MYO1D: variants seen among roughly 807,000 people sequenced by gnomAD.
MYO1D encodes the protein unconventional myosin-Id.
MYO1D carries 83 observed loss-of-function variants against 122.0 expected under a neutral mutation model. The ratio of observed to expected loss-of-function variants is 0.68; its 90% CI spans 0.57 to 0.82. The LOEUF is 0.82. Ranked by LOEUF, MYO1D falls within the 40% of genes least tolerant of loss-of-function variation. The pLI, the probability that MYO1D is intolerant of heterozygous loss-of-function variation, is 0.00. For missense variants in MYO1D, 1,157 were observed against 1,269.5 expected (o/e 0.91, Z 1.35); for synonymous variants, 464 against 446.9 (o/e 1.04, Z -0.48).
intron 21 of MYO1D, among the ~76,000 whole-genome samples, chr17:32,568,624 C>A (rs1030591764): frequency 1.3e-5 from 2 of 152,230 alleles, no homozygotes; most frequent in Admixed American, 6.5e-5. Context: ...TATGTTGGAG[C>A]AACAGACATA....
intron 6 of MYO1D, among the ~76,000 whole-genome samples, chr17:32,770,458 T>C (rs2090101951): frequency 1.3e-5 from 2 of 152,184 alleles, no homozygotes; most frequent in South Asian, 4.1e-4. Context: ...TATGCATTTA[T>C]ATACCTTCCC....
chr17:32,743,835 G>A (rs909933521), intron 13 of MYO1D, among the ~76,000 whole-genome samples: 1 of 151,624 alleles, frequency 6.6e-6, no homozygotes, highest in Non-Finnish European at 1.5e-5. Flanking sequence ...AGCCAGGATG[G>A]TTTCAATCTC....
At chr17:32,676,879 T>A (rs941478900) in intron 16 of MYO1D, among the ~76,000 whole-genome samples, 1 of 152,036 alleles carries the variant, frequency 6.6e-6, no homozygotes, top group Non-Finnish European at 1.5e-5. Flanking sequence ...GGCGCTATCT[T>A]GGCTCACTGC....
chr17:32,631,563 C>T (rs1420941691), intron 20 of MYO1D, among the ~76,000 whole-genome samples: 1 of 151,864 alleles, frequency 6.6e-6, no homozygotes, highest in Non-Finnish European at 1.5e-5. Context: ...GACAGGAATG[C>T]TTGATCCCAG....
intron 21 of MYO1D, among the ~76,000 whole-genome samples, chr17:32,532,925 C>G (rs1910558052): frequency 6.6e-6 from 1 of 152,108 alleles, no homozygotes. Context: ...ATCATCCCAT[C>G]TTACTTCCCT....
At chr17:32,672,000 C>T (rs144080851) in intron 16 of MYO1D, among the ~76,000 whole-genome samples, 65 of 152,288 alleles carry the variant, frequency 4.3e-4, no homozygotes, top group Non-Finnish European at 7.8e-4. Flanking sequence ...TTAAATTTTA[C>T]ATTTGAGTCC....
At chr17:32,850,701 C>G (rs1340907165) in intron 1 of MYO1D, among the ~76,000 whole-genome samples, 1 of 152,110 alleles carries the variant, frequency 6.6e-6, no homozygotes, top group Non-Finnish European at 1.5e-5. Flanking sequence ...CTTATGTACC[C>G]TGTTTTTTGT....
At chr17:32,763,756 C>T (rs1163091938) in intron 8 of MYO1D, among the ~76,000 whole-genome samples, 2 of 151,998 alleles carry the variant, frequency 1.3e-5, no homozygotes, top group Admixed American at 1.3e-4. Flanking sequence ...CTTGTCTCTA[C>T]TAAAAATACA....
At chr17:32,542,834 C>G (rs1241470181) in intron 21 of MYO1D, among the ~76,000 whole-genome samples, 1 of 152,146 alleles carries the variant, frequency 6.6e-6, no homozygotes, top group African/African-American at 2.4e-5. Context: ...CCAGAGGTAT[C>G]CAAGCAAGGG....
chr17:32,649,581 T>A (rs1226651936), intron 19 of MYO1D, among the ~76,000 whole-genome samples: 1 of 132,826 alleles, frequency 7.5e-6, no homozygotes. Context: ...TTTTTTTTTT[T>A]TTTTTTTTGA....
chr17:32,586,026 A>G (rs1412083166), intron 21 of MYO1D, among the ~76,000 whole-genome samples: 1 of 152,194 alleles, frequency 6.6e-6, no homozygotes, highest in African/African-American at 2.4e-5. Context: ...AAAGGAAGCA[A>G]TTGCTATTAC....
intron 4 of MYO1D, among the ~76,000 whole-genome samples, chr17:32,774,752 A>G (rs1238184719): frequency 6.6e-6 from 1 of 152,150 alleles, no homozygotes; most frequent in East Asian, 1.9e-4. Context: ...TTTTCAACTG[A>G]CTCTGATAAT....
chr17:32,743,306 CCT>C (rs1426979901), intron 13 of MYO1D, among the ~76,000 whole-genome samples: 1 of 152,164 alleles, frequency 6.6e-6, no homozygotes, highest in Non-Finnish European at 1.5e-5. Context: ...CCACCTTTCC[CCT>C]GAGATTCAGA....
rs572217664 is a variant in MYO1D, at chr17:32,573,152, A to G, written c.2864+31935T>C. 5.9e-5 allele frequency among the ~76,000 whole-genome samples: 9 copies of G among 152,350 alleles called. No individual in the cohort carries two copies. The South Asian group carries it at 1.9e-3, about 32-fold the overall frequency. On this transcript the variant is annotated intron_variant, in intron 21 of 21. Coordinates refer to ENST00000318217, the MANE Select transcript of MYO1D (RefSeq NM_015194.3). Reference sequence around the variant, plus strand: ...TACTTTGGTTAAGATTAATTCTAAAAGTTGGAAATCAAAGAATGTTTTATT... The same window carrying G: ...TACTTTGGTTAAGATTAATTCTAAAGGTTGGAAATCAAAGAATGTTTTATT...
chr17:32,800,883 G>C (rs989491000), intron 1 of MYO1D, among the ~76,000 whole-genome samples: 2 of 151,930 alleles, frequency 1.3e-5, no homozygotes, highest in African/African-American at 4.8e-5. Flanking sequence ...ATCTAAAAGA[G>C]ATGATTTTAA....
chr17:32,580,825 T>C (rs1567897138), intron 21 of MYO1D, among the ~76,000 whole-genome samples: 1 of 152,232 alleles, frequency 6.6e-6, no homozygotes, highest in Non-Finnish European at 1.5e-5. Flanking sequence ...ATTTGATTAG[T>C]TATTTTATAA....
chr17:32,652,597 T>C (rs1248175753), intron 19 of MYO1D, among the ~76,000 whole-genome samples: 1 of 152,188 alleles, frequency 6.6e-6, no homozygotes, highest in Non-Finnish European at 1.5e-5. Flanking sequence ...TTTCAATTCT[T>C]CTGTGTTCTT....
intron 16 of MYO1D, among the ~76,000 whole-genome samples, chr17:32,677,683 C>T (rs2729343): frequency 0.69 from 103,836 of 149,558 alleles, 36,081 homozygotes; most frequent in Middle Eastern, 0.79. Context: ...ATGAAAAGGG[C>T]ATACGGTATA....
In MYO1D at chr17:32,745,267, A is replaced by G; in HGVS notation, c.1557T>C (p.Phe519=). The G allele has an allele frequency of 2.6e-6, 4 of 1,548,284 alleles. No individual in the cohort carries two copies. Among genetic ancestry groups the G allele is most frequent in the Non-Finnish European group, 3.6e-6 (4 of 1,125,758 alleles). ...ATAAAGTATCTTTATTTTTGTCAAT[A>G]AAACCAATGACAGAATAGCTAACAG... ...AGDVVYSVIG[F]IDKNKDTLFQ... Residue 519 remains phenylalanine (F), a synonymous_variant, in exon 13 of 22, where the codon TTT becomes TTC. Coordinates refer to ENST00000318217, the MANE Select transcript of MYO1D (RefSeq NM_015194.3).
Sources: gnomAD v4.1 joint callset for allele counts (sites outside exome capture counted in the v4.1 genomes callset) on GRCh38, gnomAD v4.1.1 for gene constraint, MANE v1.5 for transcripts, NCBI Gene and HGNC (gene_info 2026-07-23, HGNC 2026-07-21) for gene names.